The following FRY variants were observed in gnomAD, a reference collection of about 807,000 sequenced individuals.
The protein encoded by FRY is protein furry homolog.
In FRY, 128 loss-of-function variants were observed where a neutral mutation model predicts 348.4. The ratio of observed to expected loss-of-function variants is 0.37; its 90% CI spans 0.32 to 0.43. The LOEUF (loss-of-function observed/expected upper bound fraction) is 0.43. FRY is among the 20% of genes least tolerant of loss of function. FRY has a pLI of 1.00. For synonymous variants in FRY, 1,370 were observed against 1,374.7 expected, an observed-to-expected ratio of 1.00 and a Z score of 0.08; for missense variants, 2,736 against 3,695.2, an observed-to-expected ratio of 0.74 and a Z score of 6.73.
intron 51 of FRY, among the ~76,000 whole-genome samples, chr13:32,255,026 C>G (rs1027255304): frequency 1.3e-5 from 2 of 152,124 alleles, no homozygotes; most frequent in Non-Finnish European, 2.9e-5. Context: ...TAATAAGATA[C>G]TTTCAGCTAT....
At chr13:32,032,730 T>C (rs1000301078) in intron 1 of FRY, among the ~76,000 whole-genome samples, 7 of 152,196 alleles carry the variant, frequency 4.6e-5, no homozygotes, top group Non-Finnish European at 8.8e-5. Context: ...AAAAAGAAAG[T>C]CTTCTCTATT....
intron 46 of FRY, among the ~76,000 whole-genome samples, chr13:32,240,751 C>T (rs959933798): frequency 3.9e-5 from 6 of 152,176 alleles, no homozygotes; most frequent in Non-Finnish European, 7.3e-5. Flanking sequence ...CTTTGTGATA[C>T]GCATTCATAG....
intron 1 of FRY, among the ~76,000 whole-genome samples, chr13:32,037,069 C>G (rs1391290020): frequency 1.3e-5 from 2 of 151,302 alleles, no homozygotes; most frequent in Non-Finnish European, 2.9e-5. Context: ...AACACACACA[C>G]ACGTGCTGGA....
chr13:32,136,125 T>C (rs1593654253), intron 10 of FRY, among the ~76,000 whole-genome samples: 1 of 152,218 alleles, frequency 6.6e-6, no homozygotes, highest in Admixed American at 6.5e-5. Flanking sequence ...GTTACATTTT[T>C]ATTTCATGGC....
chr13:32,255,157 C>G (rs992962241), intron 51 of FRY, among the ~76,000 whole-genome samples: 4 of 152,148 alleles, frequency 2.6e-5, no homozygotes, highest in Admixed American at 2.6e-4. Flanking sequence ...GGGATCAAAA[C>G]TCAGTTCACT....
intron 17 of FRY, among the ~76,000 whole-genome samples, chr13:32,165,209 T>C (rs1881665994): frequency 6.6e-6 from 1 of 152,194 alleles, no homozygotes; most frequent in Non-Finnish European, 1.5e-5. Flanking sequence ...GTTTCCTTAT[T>C]ATTTGTAGAA....
chr13:32,268,502 AAAAATAT>A (rs1385903886), intron 55 of FRY, among the ~76,000 whole-genome samples: 43 of 16,918 alleles, frequency 2.5e-3, no homozygotes, highest in Admixed American at 6.3e-3. Context: ...AAAAAAAAAA[AAAAATAT>A]ATATATATAT....
At chr13:32,087,087 G>C (rs1220385769) in intron 2 of FRY, among the ~76,000 whole-genome samples, 2 of 152,178 alleles carry the variant, frequency 1.3e-5, no homozygotes, top group Non-Finnish European at 2.9e-5. Context: ...TTGCTAACAT[G>C]AAAGAAGTAA....
chr13:32,064,842 G>C (rs1332451044), intron 1 of FRY, among the ~76,000 whole-genome samples: 7 of 152,098 alleles, frequency 4.6e-5, no homozygotes, highest in Non-Finnish European at 1.0e-4. Flanking sequence ...TTAATGATTT[G>C]ATTAATTGAT....
chr13:32,181,552 G>A (rs1259600085), intron 23 of FRY, among the ~76,000 whole-genome samples: 4 of 133,994 alleles, frequency 3.0e-5, no homozygotes, highest in African/African-American at 1.1e-4. Context: ...TCCAGCCTGG[G>A]CAACTGAGTG....
At chr13:32,172,988 T>C (rs1209635732) in intron 18 of FRY, among the ~76,000 whole-genome samples, 2 of 152,228 alleles carry the variant, frequency 1.3e-5, no homozygotes, top group African/African-American at 4.8e-5. Flanking sequence ...GAAAATTCGA[T>C]TCAATAGTAT....
intron 2 of FRY, among the ~76,000 whole-genome samples, chr13:32,082,868 TTTTTTC>T (rs1875590487): frequency 6.6e-6 from 1 of 152,178 alleles, no homozygotes; most frequent in South Asian, 2.1e-4. Flanking sequence ...CTTTTATAGT[TTTTTTC>T]TTTGTCTTTG....
At chr13:32,119,404 T>G (rs868682623) in intron 4 of FRY, among the ~76,000 whole-genome samples, 1 of 152,238 alleles carries the variant, frequency 6.6e-6, no homozygotes, top group South Asian at 2.1e-4. Flanking sequence ...GCAGTTAGAC[T>G]GCAAACCAGC....
intron 28 of FRY, among the ~76,000 whole-genome samples, chr13:32,191,474 C>T (rs1409653288): frequency 6.6e-6 from 1 of 152,132 alleles, no homozygotes. Context: ...GAGCAAGAAA[C>T]TTAAGCAGTT....
chr13:32,294,047 TC>T (rs1025606234), intron 59 of FRY, among the ~76,000 whole-genome samples: 2 of 152,134 alleles, frequency 1.3e-5, no homozygotes, highest in East Asian at 3.9e-4. Context: ...CCAGATCTAC[TC>T]ACTCTTGAGC....
chr13:32,274,659 G>T (rs568334990), intron 55 of FRY, among the ~76,000 whole-genome samples, 183 bp from the exon 56 acceptor site: 1 of 133,592 alleles, frequency 7.5e-6, no homozygotes, highest in Non-Finnish European at 1.5e-5. Flanking sequence ...AGCCGAGATC[G>T]CGCCACTGCA....
chr13:32,124,754 T>A, intron 6 of FRY, 41 bp from the exon 7 acceptor site: 1 of 1,546,974 alleles, frequency 6.5e-7, no homozygotes, highest in Non-Finnish European at 8.9e-7. Context: ...TTTTTTCCGA[T>A]GACCAGGGAT....
chr13:32,286,747 CAAAAAAAAAAAAAAAAAAAAAAAA>C (rs6144991), intron 58 of FRY, among the ~76,000 whole-genome samples: 102 of 77,506 alleles, frequency 1.3e-3, no homozygotes, highest in Admixed American at 2.1e-3. Context: ...GACTCTGTCT[CAAAAAAAAAAAAAAAAAAAAAAAA>C]AAAAAAAAAA....
At chr13:32,278,393 A>G (rs1302304719) in intron 57 of FRY, 72 bp from the exon 58 acceptor site, 1 of 841,694 alleles carries the variant, frequency 1.2e-6, no homozygotes, top group Non-Finnish European at 2.1e-6. Flanking sequence ...ATTTTTTCCT[A>G]ATGGAATTAT....
Sources: gnomAD v4.1 joint callset for allele counts (sites outside exome capture counted in the v4.1 genomes callset) on GRCh38, gnomAD v4.1.1 for gene constraint, MANE v1.5 for transcripts, NCBI Gene and HGNC (gene_info 2026-07-23, HGNC 2026-07-21) for gene names.